Variants in PRKAG2 observed in about 807,000 individuals in gnomAD.
PRKAG2 encodes protein kinase AMP-activated non-catalytic subunit gamma 2.
A neutral mutation model predicts 69.6 loss-of-function variants in PRKAG2; 26 were observed. The ratio of observed to expected loss-of-function variants is 0.37; its 90% confidence interval spans 0.27 to 0.52. The LOEUF (loss-of-function observed/expected upper bound fraction) is 0.52. Ranked by LOEUF, PRKAG2 falls within the 20% of genes least tolerant of loss-of-function variation. The probability of loss-of-function intolerance (pLI) is 0.90; values close to 1 mark genes in which losing one functional copy is unlikely to be tolerated. For synonymous variants in PRKAG2, 293 were observed against 285.0 expected (o/e 1.03, Z -0.28); for missense variants, 557 against 740.0 (o/e 0.75, Z 2.87).
rs371690546 is a variant in PRKAG2, at chr7:151,756,161, C to T, written c.466+24991G>A. 1.7e-3 allele frequency among the ~76,000 whole-genome samples: 252 copies of T among 152,308 alleles called. No homozygotes were observed. Among genetic ancestry groups the T allele is most frequent in the Middle Eastern group, 0.01 (3 of 294 alleles). ...AAAGCAGGTCTCGCCTCTGCACCAT[C>T]GGTACAGTCCCACAGGCCCCTGTGG... On this transcript the variant is annotated intron_variant, in intron 3 of 15. Coordinates refer to ENST00000287878, the MANE Select transcript of PRKAG2 (RefSeq NM_016203.4). This position sits in a 1 kb window ranked among gnomAD's most constrained non-coding sequence, Gnocchi z 4.9.
intron 5 of PRKAG2, 109 bp downstream of exon 5, chr7:151,631,960 C>T (rs1175933712): frequency 9.4e-7 from 1 of 1,066,120 alleles, no homozygotes; most frequent in East Asian, 5.0e-5. Context: ...CAGGACGCAG[C>T]TCGCCGTGGG....
intron 1 of PRKAG2, among the ~76,000 whole-genome samples, chr7:151,822,783 C>T (rs35279162): frequency 0.43 from 65,075 of 151,984 alleles, 14,210 homozygotes; most frequent in East Asian, 0.63. Context: ...GCCACCTGCA[C>T]CCTGGGTCAG....
At chr7:151,726,684 G>C (rs1563533505) in intron 3 of PRKAG2, among the ~76,000 whole-genome samples, 1 of 152,086 alleles carries the variant, frequency 6.6e-6, no homozygotes, top group Non-Finnish European at 1.5e-5. Context: ...CAAAGTGCAA[G>C]TGAAAGAAGC....
intron 3 of PRKAG2, among the ~76,000 whole-genome samples, chr7:151,686,457 T>A (rs1834757516): frequency 6.6e-6 from 1 of 152,136 alleles, no homozygotes; most frequent in Admixed American, 6.5e-5. Flanking sequence ...CTGATAGGAA[T>A]GACTCTCCCT....
intron 5 of PRKAG2, among the ~76,000 whole-genome samples, chr7:151,615,667 C>G (rs1286303321): frequency 6.6e-6 from 1 of 151,908 alleles, no homozygotes; most frequent in African/African-American, 2.4e-5. Flanking sequence ...AGGATGCATC[C>G]AACAAAGGTC....
chr7:151,640,800 C>T (rs1826544469), intron 4 of PRKAG2, among the ~76,000 whole-genome samples: 1 of 152,140 alleles, frequency 6.6e-6, no homozygotes, highest in Non-Finnish European at 1.5e-5. Flanking sequence ...TCCTCTGAGT[C>T]CCACATTGCT....
At chr7:151,658,842 TTG>T (rs1829891809) in intron 4 of PRKAG2, among the ~76,000 whole-genome samples, 1 of 152,162 alleles carries the variant, frequency 6.6e-6, no homozygotes, top group Admixed American at 6.5e-5. Flanking sequence ...TGGTGCCCAT[TTG>T]TATTAAAGGA....
intron 4 of PRKAG2, among the ~76,000 whole-genome samples, chr7:151,633,735 G>A (rs1004408009): frequency 1.3e-5 from 2 of 152,128 alleles, no homozygotes; most frequent in African/African-American, 2.4e-5. Flanking sequence ...ATCACAAACT[G>A]TAGATGAAAG....
intron 4 of PRKAG2, among the ~76,000 whole-genome samples, chr7:151,645,911 A>G (rs955543389): frequency 6.6e-6 from 1 of 152,196 alleles, no homozygotes; most frequent in African/African-American, 2.4e-5. Context: ...GTTGAGGTTC[A>G]TATTTTCCAT....
chr7:151,844,776 C>T (rs1016838422), intron 1 of PRKAG2, among the ~76,000 whole-genome samples: 1 of 152,152 alleles, frequency 6.6e-6, no homozygotes, highest in African/African-American at 2.4e-5. Flanking sequence ...CTTAAAGCCC[C>T]GTGTCTAAAA....
intron 6 of PRKAG2, among the ~76,000 whole-genome samples, chr7:151,584,124 C>T (rs992613322): frequency 1.3e-5 from 2 of 152,266 alleles, no homozygotes; most frequent in South Asian, 2.1e-4. Context: ...AGCTGCATGA[C>T]TCCCTCCTCC....
rs114941110 is a variant in PRKAG2, at chr7:151,668,915, G to A, written c.684+6505C>T. Among the ~76,000 whole-genome samples the A allele has an allele frequency of 2.1e-3, 321 of 152,274 alleles. 1 individual carries two copies. Among genetic ancestry groups the A allele is most frequent in the African/African-American group, 7.5e-3 (312 of 41,548 alleles). ...CTAGGAGAAAAAGATGGGGAGCATGGGAGTGACTGCTGTGGAAGGAAATTG... is the reference window on the plus strand; with the variant it reads ...CTAGGAGAAAAAGATGGGGAGCATGAGAGTGACTGCTGTGGAAGGAAATTG... On this transcript the variant is annotated intron_variant, in intron 4 of 15. Coordinates refer to ENST00000287878, the MANE Select transcript of PRKAG2 (RefSeq NM_016203.4).
intron 5 of PRKAG2, among the ~76,000 whole-genome samples, chr7:151,620,588 C>T (rs1240315486): frequency 1.3e-5 from 2 of 152,146 alleles, no homozygotes; most frequent in Non-Finnish European, 2.9e-5. Flanking sequence ...AGCAATCCTC[C>T]TGTCTCAGCC....
At chr7:151,876,412 C>T in intron 1 of PRKAG2, 95 bp downstream of exon 1, 1 of 1,259,534 alleles carries the variant, frequency 7.9e-7, no homozygotes, top group Non-Finnish European at 1.1e-6. Flanking sequence ...GGGGCACGCA[C>T]GGCGCGCGCG....
At chr7:151,773,023 A>AAGAAAGAAAGAAAG (rs1563639223) in intron 3 of PRKAG2, among the ~76,000 whole-genome samples, 33 of 55,086 alleles carry the variant, frequency 6.0e-4, no homozygotes, top group Non-Finnish European at 8.1e-4. Flanking sequence ...GAAAGAAAGA[A>AAGAAAGAAAGAAAG]AGAGAGAGAG....
rs775756069 is a variant in PRKAG2, at chr7:151,781,259, C to G, written c.359G>C (p.Arg120Pro). ...GCGGAAGATCCCACTGAAGCTCATG[C>G]GTCGAGGGGAGCGTGGCGGGGACTC... is the stretch of plus-strand genomic sequence containing the variant. Reference protein sequence around the residue: ...YQESPPRSPRRMSFSGIFRSS... With the variant: ...YQESPPRSPRPMSFSGIFRSS... The change falls in exon 3 of 16, where the codon CGC becomes CCC. Residue 120 changes from arginine (R) to proline (P), a missense_variant. Physicochemically the swap from Arg to Pro is moderately radical, Grantham distance 103. Around this residue, in one of 2 missense-constraint regions of PRKAG2, gnomAD observed 352 missense variants for 356.7 expected, o/e 0.99. Coordinates refer to ENST00000287878, the MANE Select transcript of PRKAG2 (RefSeq NM_016203.4). This position sits in a 1 kb window ranked among gnomAD's most constrained non-coding sequence, Gnocchi z 6.1. 6.2e-7 allele frequency: 1 copy of G among 1,614,018 alleles called. No individual in the cohort carries two copies. The highest frequency in any genetic ancestry group is 8.5e-7 in the Non-Finnish European group (1 of 1,180,036).
chr7:151,753,397 C>T (rs773641767), intron 3 of PRKAG2, among the ~76,000 whole-genome samples: 17 of 152,074 alleles, frequency 1.1e-4, no homozygotes, highest in South Asian at 2.1e-4. Context: ...GATATGATGT[C>T]TGCAAATTCC....
chr7:151,784,886 C>G (rs2076924277), intron 2 of PRKAG2, among the ~76,000 whole-genome samples: 1 of 152,174 alleles, frequency 6.6e-6, no homozygotes, highest in South Asian at 2.1e-4. Flanking sequence ...CTGTCTGACC[C>G]CTCTCACCGG....
chr7:151,782,208 C>G (rs1160547852), intron 2 of PRKAG2, among the ~76,000 whole-genome samples: 1 of 151,606 alleles, frequency 6.6e-6, no homozygotes, highest in African/African-American at 2.4e-5. Flanking sequence ...TCTTGAACCC[C>G]GAAGGCGGAG....
Sources: allele counts gnomAD v4.1 joint callset (sites outside exome capture counted in the v4.1 genomes callset), GRCh38; gene constraint gnomAD v4.1.1; regional missense constraint gnomAD v4.1.1; non-coding constraint Gnocchi (gnomAD v3.1); transcripts MANE v1.5; gene names NCBI Gene and HGNC (gene_info 2026-07-23, HGNC 2026-07-21).